ISL1: variants seen among roughly 807,000 people sequenced by gnomAD.
The protein encoded by ISL1 is insulin gene enhancer protein ISL-1.
ISL1 carries 4 observed loss-of-function variants against 35.3 expected under a neutral mutation model. The observed-to-expected ratio is 0.11, with a 90% CI of 0.06 to 0.26. The LOEUF (loss-of-function observed/expected upper bound fraction) is 0.26, where lower values mean the gene tolerates loss of function less well. ISL1 is among the 10% of genes least tolerant of loss of function. ISL1 has a pLI of 1.00. For missense variants in ISL1, 340 were observed against 472.8 expected (o/e 0.72, Z 2.60); for synonymous variants, 186 against 172.3 (o/e 1.08, Z -0.62).
At position 51,387,390 on chromosome 5, in the gene ISL1, C is replaced by T. The variant is rs1024230564; in HGVS notation, c.219-100C>T. ...TGCTGTTTACTTGGGGCGTCTTGCC[C>T]GGGATCTTGGGCCAGGGAAGTGCCG... is the stretch of plus-strand genomic sequence containing the variant. On this transcript the variant is annotated intron_variant, in intron 2 of 5. Coordinates refer to ENST00000230658, the MANE Select transcript of ISL1 (RefSeq NM_002202.3). This position sits in a 1 kb window ranked among gnomAD's most constrained non-coding sequence, Gnocchi z 4.3. The T allele has an allele frequency of 2.6e-5, 35 of 1,352,286 alleles. No individual in the cohort carries two copies. In the African/African-American group the frequency reaches 4.2e-4, roughly 16 times the overall value. The allele number at this position is 1,352,286 out of a possible 1,614,324, so 83.8% of individuals were successfully genotyped here. A position where few individuals can be genotyped will look rare whatever the true frequency, so the allele number is the denominator to read the frequency against.
chr5:51,385,772 T>C (rs1287738474), intron 2 of ISL1, among the ~76,000 whole-genome samples: 1 of 152,118 alleles, frequency 6.6e-6, no homozygotes, highest in Non-Finnish European at 1.5e-5. Context: ...TAGCAAAATA[T>C]CACTTTTTAA....
Position 51,387,428 on chromosome 5 carries a change from C to A in ISL1, c.219-62C>A. ...CAGGGAAGTGCCGGCCTGAAGTGAC[C>A]CCCTCTTCCTGTACTTCTCTCCCCG... On this transcript the variant is annotated intron_variant, in intron 2 of 5. Transcript: ENST00000230658. The surrounding 1 kb of genome is among the most constrained non-coding windows in gnomAD (Gnocchi z 4.3). 1.3e-6 allele frequency: 2 copies of A among 1,580,928 alleles called. No individual in the cohort carries two copies. The highest frequency in any genetic ancestry group is 8.6e-7 in the Non-Finnish European group (1 of 1,156,926).
At chr5:51,393,460 G>A (rs545776043) in intron 5 of ISL1, 34 bp from the exon 6 acceptor site, 29 of 1,126,156 alleles carry the variant, frequency 2.6e-5, no homozygotes, top group Non-Finnish European at 3.7e-5. Flanking sequence ...TACTATTCCA[G>A]TGTCCTTTAT....
At chr5:51,384,351 G>T (rs1747288636) in intron 1 of ISL1, among the ~76,000 whole-genome samples, 190 bp from the exon 2 acceptor site, 1 of 148,596 alleles carries the variant, frequency 6.7e-6, no homozygotes. Flanking sequence ...TTTTAAAAAT[G>T]AGTCAAGGTT....
In ISL1 at chr5:51,387,447, C is replaced by T. The variant is rs1460083040; in HGVS notation, c.219-43C>T. On this transcript the variant is annotated intron_variant, in intron 2 of 5. Coordinates refer to ENST00000230658, the MANE Select transcript of ISL1 (RefSeq NM_002202.3). This position sits in a 1 kb window ranked among gnomAD's most constrained non-coding sequence, Gnocchi z 4.3. ...AGTGACCCCCTCTTCCTGTACTTCTCTCCCCGCTCTGGGCCGCCTCCGCTC... is the reference window on the plus strand; with the variant it reads ...AGTGACCCCCTCTTCCTGTACTTCTTTCCCCGCTCTGGGCCGCCTCCGCTC... The T allele has an allele frequency of 1.2e-6, 2 of 1,609,406 alleles. No homozygotes were observed. The highest frequency in any genetic ancestry group is 2.7e-5 in the African/African-American group (2 of 74,792).
intron 5 of ISL1, among the ~76,000 whole-genome samples, chr5:51,391,907 G>A (rs1398684262): frequency 6.6e-6 from 1 of 152,124 alleles, no homozygotes; most frequent in South Asian, 2.1e-4. Context: ...TATAATCAAT[G>A]CTATAATACA....
At chr5:51,384,290 G>A (rs1747286591) in intron 1 of ISL1, among the ~76,000 whole-genome samples, 1 of 151,436 alleles carries the variant, frequency 6.6e-6, no homozygotes, top group African/African-American at 2.4e-5. Flanking sequence ...TGCGTGCTAG[G>A]CGTACAAATG....
At chr5:51,393,388 A>G (rs572256935) in intron 5 of ISL1, 106 bp from the exon 6 acceptor site, 13 of 754,916 alleles carry the variant, frequency 1.7e-5, no homozygotes, top group South Asian at 2.9e-5. Context: ...ATATCTTTAC[A>G]TATCTATCTA....
At chr5:51,386,675 T>C (rs1747349981) in intron 2 of ISL1, 1 of 452,404 alleles carries the variant, frequency 2.2e-6, no homozygotes, top group Non-Finnish European at 4.4e-6. Flanking sequence ...GGTCTTTGCA[T>C]TTTTTTCATT....
chr5:51,393,237 A>G (rs1346172257), intron 5 of ISL1, among the ~76,000 whole-genome samples: 1 of 152,240 alleles, frequency 6.6e-6, no homozygotes, highest in African/African-American at 2.4e-5. Context: ...TTCTTAAATA[A>G]TTTAATGCAA....
At chr5:51,386,730 G>T in intron 2 of ISL1, 2 of 418,444 alleles carry the variant, frequency 4.8e-6, no homozygotes, top group South Asian at 3.5e-5. Flanking sequence ...AGATGATTCA[G>T]CAACTTGAAA....
chr5:51,390,567 G>A (rs1375641155), intron 4 of ISL1, among the ~76,000 whole-genome samples: 1 of 148,730 alleles, frequency 6.7e-6, no homozygotes, highest in South Asian at 2.2e-4. Flanking sequence ...TCCCACGGAA[G>A]CACCCACTCT....
In ISL1 at chr5:51,389,958, G is replaced by A; in HGVS notation, c.765+26G>A. ...GTGAGTGGCTCTGGGGCCGGGCAGG[G>A]AATGCGAGGGGGAAGGAGACGCAGC... On this transcript the variant is annotated intron_variant, in intron 4 of 5. Coordinates refer to ENST00000230658, the MANE Select transcript of ISL1 (RefSeq NM_002202.3). This position sits in a 1 kb window ranked among gnomAD's most constrained non-coding sequence, Gnocchi z 5.0. 1 of 1,610,464 alleles carries A rather than the reference G, an allele frequency of 6.2e-7. No homozygotes were observed. The highest frequency in any genetic ancestry group is 8.5e-7 in the Non-Finnish European group (1 of 1,177,374).
In ISL1 at chr5:51,389,790, C is replaced by G. The variant is rs779998478; in HGVS notation, c.623C>G (p.Ala208Gly). Residue 208 changes from alanine (A) to glycine (G), a missense_variant, in exon 4 of 6, where the codon GCG becomes GGG. Physicochemically the swap from Ala to Gly is moderately conservative, Grantham distance 60. This residue lies in a region of ISL1 where 24 missense variants were observed against 59.7 expected (regional missense o/e 0.40). Coordinates refer to ENST00000230658, the MANE Select transcript of ISL1 (RefSeq NM_002202.3). The surrounding 1 kb of genome is among the most constrained non-coding windows in gnomAD (Gnocchi z 5.0). ...TCYAANPRPD[A>G]LMKEQLVEMT... ...TACGCCGCAAACCCGCGGCCAGATG[C>G]GCTCATGAAGGAGCAACTGGTAGAG... is the stretch of plus-strand genomic sequence containing the variant. 1 of 1,614,228 alleles carries G rather than the reference C, an allele frequency of 6.2e-7. No individual in the cohort carries two copies. The highest frequency in any genetic ancestry group is 1.1e-5 in the South Asian group (1 of 91,090).
At chr5:51,390,636 C>CTGTTTT (rs1561208273) in intron 4 of ISL1, among the ~76,000 whole-genome samples, 2 of 74,326 alleles carry the variant, frequency 2.7e-5, no homozygotes, top group Non-Finnish European at 5.7e-5. Context: ...TCTTTTCTTT[C>CTGTTTT]TTTTTCTTTT....
chr5:51,391,416 T>G lies in ISL1; in HGVS notation c.908T>G (p.Ile303Arg). The G allele has an allele frequency of 6.2e-7, 1 of 1,614,124 alleles. No homozygotes were observed. The highest frequency in any genetic ancestry group is 8.5e-7 in the Non-Finnish European group (1 of 1,180,028). The change falls in exon 5 of 6, where the codon ATA becomes AGA. Residue 303 changes from isoleucine (I) to arginine (R), a missense_variant. Physicochemically the swap from Ile to Arg is moderately conservative, Grantham distance 97. Transcript: ENST00000230658. ...AGCGACTTCGCCTTGCAGAGTGACATAGATCAGCCTGCTTTTCAGCAACTG... is the reference window on the plus strand; with the variant it reads ...AGCGACTTCGCCTTGCAGAGTGACAGAGATCAGCCTGCTTTTCAGCAACTG... ...VLSDFALQSDIDQPAFQQLVN... is the reference protein window; with the variant it reads ...VLSDFALQSDRDQPAFQQLVN...
chr5:51,391,675 AT>A (rs1277293223), intron 5 of ISL1, among the ~76,000 whole-genome samples: 1 of 151,926 alleles, frequency 6.6e-6, no homozygotes, highest in African/African-American at 2.4e-5. Context: ...TGAATTTTCT[AT>A]CAATCAGGCC....
In ISL1 at chr5:51,389,570, C is replaced by A. The variant is rs886718245; in HGVS notation, c.479-76C>A. The A allele has an allele frequency of 1.4e-5, 18 of 1,314,296 alleles. 1 individual carries two copies. The highest frequency in any genetic ancestry group is 1.7e-5 in the Non-Finnish European group (17 of 1,024,700). 81.4% of individuals were successfully genotyped at this position (1,314,296 alleles called of 1,614,324 possible). A position where few individuals can be genotyped will look rare whatever the true frequency, so the allele number is the denominator to read the frequency against. ...GCGGGCGGGCGGGCAAGCGAGCGAG[C>A]GAGCGAGCGCGCGACCGCGGGCGGG... On this transcript the variant is annotated intron_variant, in intron 3 of 5. Coordinates refer to ENST00000230658, the MANE Select transcript of ISL1 (RefSeq NM_002202.3). This position sits in a 1 kb window ranked among gnomAD's most constrained non-coding sequence, Gnocchi z 5.0.
chr5:51,390,481 AC>A (rs1284142388), intron 4 of ISL1, among the ~76,000 whole-genome samples: 2 of 151,570 alleles, frequency 1.3e-5, no homozygotes, highest in African/African-American at 4.8e-5. Flanking sequence ...TGCCCAGATC[AC>A]CCTCTGCTCC....
Sources: gnomAD v4.1 joint callset for allele counts (sites outside exome capture counted in the v4.1 genomes callset) on GRCh38, gnomAD v4.1.1 for gene constraint, gnomAD v4.1.1 regional missense constraint, Gnocchi (gnomAD v3.1) non-coding constraint, MANE v1.5 for transcripts, NCBI Gene and HGNC (gene_info 2026-07-23, HGNC 2026-07-21) for gene names.